The following UBASH3B variants were observed in gnomAD, a reference collection of about 807,000 sequenced individuals.
UBASH3B encodes the protein ubiquitin associated and SH3 domain containing B.
Under a neutral mutation model 83.4 loss-of-function variants are expected in UBASH3B, and 37 were observed. The ratio of observed to expected loss-of-function variants is 0.44; its 90% CI spans 0.34 to 0.58. The LOEUF is 0.58. Ranked by LOEUF, UBASH3B falls within the 20% of genes least tolerant of loss-of-function variation. UBASH3B has a pLI of 0.01. For missense variants in UBASH3B, 657 were observed against 827.2 expected, an observed-to-expected ratio of 0.79 and a Z score of 2.52; for synonymous variants, 304 against 318.3, an observed-to-expected ratio of 0.96 and a Z score of 0.48.
At chr11:122,800,582 A>G (rs1861239119) in intron 10 of UBASH3B, among the ~76,000 whole-genome samples, 1 of 151,858 alleles carries the variant, frequency 6.6e-6, no homozygotes, top group African/African-American at 2.4e-5. Flanking sequence ...AAAGAAAGAA[A>G]GAGGAATTAT....
At chr11:122,780,932 G>C (rs184591657) in intron 4 of UBASH3B, among the ~76,000 whole-genome samples, 16 of 152,312 alleles carry the variant, frequency 1.1e-4, no homozygotes. Context: ...TTGCTCCTTA[G>C]CCTTTTGGCC....
chr11:122,688,280 T>TCCTC (rs149184555), intron 1 of UBASH3B, among the ~76,000 whole-genome samples: 8 of 151,706 alleles, frequency 5.3e-5, no homozygotes, highest in African/African-American at 1.9e-4. Flanking sequence ...TCCCCTTCCT[T>TCCTC]CCTCCCTCCC....
At position 122,722,103 on chromosome 11, in the gene UBASH3B, T is replaced by C. The variant is rs114433012; in HGVS notation, c.162-54116T>C. 4.2e-3 allele frequency among the ~76,000 whole-genome samples: 647 copies of C among 152,342 alleles called. 5 individuals are homozygous for C. Among genetic ancestry groups the C allele is most frequent in the African/African-American group, 0.015 (614 of 41,572 alleles). ...CAACCTTTTGCATCTGTTATTTTGTTTGAAGCTCACAAAGCTTCCTGCAGT... is the reference window on the plus strand; with the variant it reads ...CAACCTTTTGCATCTGTTATTTTGTCTGAAGCTCACAAAGCTTCCTGCAGT... On this transcript the variant is annotated intron_variant, in intron 1 of 13. Coordinates refer to ENST00000284273, the MANE Select transcript of UBASH3B (RefSeq NM_032873.5).
At position 122,796,217 on chromosome 11, in the gene UBASH3B, G is replaced by C. The variant is rs747712081; in HGVS notation, c.1175G>C (p.Gly392Ala). ...QKRCLFVCRHGERMDVVFGKY... is the reference protein window; with the variant it reads ...QKRCLFVCRHAERMDVVFGKY... ...CGATGCCTTTTTGTGTGTCGGCATG[G>C]TGAGAGGATGGATGTTGTGTTTGGG... The change falls in exon 8 of 14, where the codon GGT becomes GCT. Residue 392 changes from glycine (G) to alanine (A), a missense_variant. Gly to Ala is a moderately conservative substitution (Grantham distance 60). Around this residue, in one of 3 missense-constraint regions of UBASH3B, gnomAD observed 573 missense variants for 739.0 expected, o/e 0.78. Transcript: ENST00000284273. The C allele has an allele frequency of 2.5e-6, 4 of 1,614,176 alleles. No individual in the cohort carries two copies. Among genetic ancestry groups the C allele is most frequent in the Non-Finnish European group, 3.4e-6 (4 of 1,180,012 alleles).
intron 1 of UBASH3B, among the ~76,000 whole-genome samples, chr11:122,743,381 AT>A (rs1223039673): frequency 6.6e-6 from 1 of 151,972 alleles, no homozygotes; most frequent in Non-Finnish European, 1.5e-5. Context: ...TGCCTAGCTA[AT>A]TTTTTTACTT....
intron 1 of UBASH3B, among the ~76,000 whole-genome samples, chr11:122,727,928 G>C (rs1295630603): frequency 6.6e-6 from 1 of 152,080 alleles, no homozygotes; most frequent in Non-Finnish European, 1.5e-5. Context: ...TATCCTGAAG[G>C]CTCCTTACCT....
chr11:122,716,900 C>A lies in UBASH3B; in HGVS notation c.162-59319C>A, dbSNP rs11218769. ...AGCTGTCGGTCATGGCTCTTCTAGC[C>A]TCACAATTTGGAGATGTTAGATGGA... On this transcript the variant is annotated intron_variant, in intron 1 of 13. Transcript: ENST00000284273. Among the ~76,000 whole-genome samples the A allele has an allele frequency of 7.0e-3, 1,070 of 152,210 alleles. 30 individuals are homozygous for A. In the East Asian group the frequency reaches 0.11, roughly 15 times the overall value.
At chr11:122,662,572 C>T (rs932151285) in intron 1 of UBASH3B, among the ~76,000 whole-genome samples, 4 of 152,010 alleles carry the variant, frequency 2.6e-5, no homozygotes, top group Non-Finnish European at 4.4e-5. Context: ...GCTGGGATTA[C>T]AGGCATGCAC....
chr11:122,786,150 C>T (rs901386891), intron 5 of UBASH3B, among the ~76,000 whole-genome samples: 2 of 152,012 alleles, frequency 1.3e-5, no homozygotes, highest in African/African-American at 2.4e-5. Flanking sequence ...CCTGGGTTCA[C>T]GCCGTTCTCC....
At chr11:122,773,302 G>A (rs1860679757) in intron 1 of UBASH3B, among the ~76,000 whole-genome samples, 1 of 152,146 alleles carries the variant, frequency 6.6e-6, no homozygotes, top group Non-Finnish European at 1.5e-5. Flanking sequence ...AGTCTGTTCT[G>A]TGGGCAGAGT....
chr11:122,791,260 C>G (rs1162104544), intron 6 of UBASH3B, among the ~76,000 whole-genome samples: 1 of 152,168 alleles, frequency 6.6e-6, no homozygotes, highest in Non-Finnish European at 1.5e-5. Flanking sequence ...TTCCAATAGT[C>G]TTGGATTTAA....
chr11:122,727,247 A>C (rs1033104626), intron 1 of UBASH3B, among the ~76,000 whole-genome samples: 4 of 152,100 alleles, frequency 2.6e-5, no homozygotes, highest in African/African-American at 9.7e-5. Context: ...TTCTTCCACC[A>C]CAAGTGCTGA....
chr11:122,688,789 C>T (rs1455549052), intron 1 of UBASH3B, among the ~76,000 whole-genome samples: 6 of 152,036 alleles, frequency 3.9e-5, no homozygotes, highest in Non-Finnish European at 7.4e-5. Context: ...GGACTACAGG[C>T]GCCCGCCACC....
At chr11:122,710,879 G>A (rs1170755429) in intron 1 of UBASH3B, among the ~76,000 whole-genome samples, 3 of 152,264 alleles carry the variant, frequency 2.0e-5, no homozygotes, top group Admixed American at 2.0e-4. Context: ...GGTGGAGATG[G>A]TAGAGCAGCC....
chr11:122,788,331 G>A (rs1212427883), intron 5 of UBASH3B, among the ~76,000 whole-genome samples: 1 of 152,224 alleles, frequency 6.6e-6, no homozygotes, highest in African/African-American at 2.4e-5. Flanking sequence ...CACTTTGGGA[G>A]GCCAAGAGAG....
rs570003332 is a variant in UBASH3B, at chr11:122,730,041, C to A, written c.162-46178C>A. On this transcript the variant is annotated intron_variant, in intron 1 of 13. Coordinates refer to ENST00000284273, the MANE Select transcript of UBASH3B (RefSeq NM_032873.5). Reference sequence around the variant, plus strand: ...GTGGCTCACACCTGTAATCCTAGCACTTTGGAGGCCGAGGCAGGTGGATCA... The same window carrying A: ...GTGGCTCACACCTGTAATCCTAGCAATTTGGAGGCCGAGGCAGGTGGATCA... 2.1e-5 allele frequency among the ~76,000 whole-genome samples: 3 copies of A among 143,226 alleles called. No homozygotes were observed. In the Admixed American group the frequency reaches 2.1e-4, roughly 10 times the overall value. 94.0% of individuals were successfully genotyped at this position (143,226 alleles called of 152,430 possible). A position where few individuals can be genotyped will look rare whatever the true frequency, so the allele number is the denominator to read the frequency against.
At chr11:122,692,309 T>TA (rs1863906527) in intron 1 of UBASH3B, among the ~76,000 whole-genome samples, 1 of 152,256 alleles carries the variant, frequency 6.6e-6, no homozygotes, top group Admixed American at 6.5e-5. Context: ...ATTTTCTTAC[T>TA]AAACATTAGT....
intron 1 of UBASH3B, among the ~76,000 whole-genome samples, chr11:122,755,688 C>A (rs961632064): frequency 6.6e-6 from 1 of 152,172 alleles, no homozygotes. Flanking sequence ...TGACTCATTT[C>A]GGATCCTCCT....
intron 4 of UBASH3B, among the ~76,000 whole-genome samples, chr11:122,780,541 G>A (rs1860833748): frequency 6.6e-6 from 1 of 152,224 alleles, no homozygotes; most frequent in African/African-American, 2.4e-5. Flanking sequence ...CACCTACTAT[G>A]AGGATTTCTC....
Sources: gnomAD v4.1 joint callset for allele counts (sites outside exome capture counted in the v4.1 genomes callset) on GRCh38, gnomAD v4.1.1 for gene constraint, gnomAD v4.1.1 regional missense constraint, MANE v1.5 for transcripts, NCBI Gene and HGNC (gene_info 2026-07-23, HGNC 2026-07-21) for gene names.